CCSER1: variants seen among roughly 807,000 people sequenced by gnomAD.
CCSER1 encodes coiled-coil serine rich protein 1, also known as serine-rich coiled-coil domain-containing protein 1.
Under a neutral mutation model 82.0 loss-of-function variants are expected in CCSER1, and 41 were observed. The observed-to-expected ratio is 0.50, with a 90% CI of 0.39 to 0.65. CCSER1 has a LOEUF of 0.65. Ranked by LOEUF, CCSER1 falls within the 30% of genes least tolerant of loss-of-function variation. The pLI is 0.00. For synonymous variants in CCSER1, 414 were observed against 383.9 expected (o/e 1.08, Z -0.92); for missense variants, 1,119 against 1,064.2 (o/e 1.05, Z -0.72).
At chr4:91,475,675 T>C (rs986500403) in intron 10 of CCSER1, among the ~76,000 whole-genome samples, 4 of 151,906 alleles carry the variant, frequency 2.6e-5, no homozygotes, top group Admixed American at 1.3e-4. Context: ...ACAAATCTTC[T>C]AGTTATTTTG....
chr4:90,699,732 G>C (rs1272681693), intron 6 of CCSER1, among the ~76,000 whole-genome samples: 1 of 152,120 alleles, frequency 6.6e-6, no homozygotes, highest in Non-Finnish European at 1.5e-5. Context: ...CTGTATGTTT[G>C]TATCCGTTCA....
intron 5 of CCSER1, among the ~76,000 whole-genome samples, chr4:90,525,806 T>C (rs1184500069): frequency 6.6e-6 from 1 of 152,032 alleles, no homozygotes; most frequent in Non-Finnish European, 1.5e-5. Flanking sequence ...TCCCAGATAA[T>C]ATATTTTATT....
intron 8 of CCSER1, among the ~76,000 whole-genome samples, chr4:90,861,981 A>G (rs1765164218): frequency 6.8e-6 from 1 of 146,388 alleles, no homozygotes; most frequent in African/African-American, 2.5e-5. Context: ...GTGGGATTGG[A>G]GTGGTAGGAG....
At chr4:91,315,144 T>C (rs1288737215) in intron 10 of CCSER1, among the ~76,000 whole-genome samples, 1 of 75,832 alleles carries the variant, frequency 1.3e-5, no homozygotes, top group Admixed American at 1.8e-4. Flanking sequence ...TAGAACCGTG[T>C]GTGCAAGTGT....
At chr4:90,747,358 G>A (rs1747669134) in intron 7 of CCSER1, among the ~76,000 whole-genome samples, 1 of 152,132 alleles carries the variant, frequency 6.6e-6, no homozygotes, top group African/African-American at 2.4e-5. Flanking sequence ...ATATTTGATA[G>A]CTTACAAAAT....
At chr4:90,758,064 G>A (rs1002477545) in intron 7 of CCSER1, among the ~76,000 whole-genome samples, 3 of 151,296 alleles carry the variant, frequency 2.0e-5, no homozygotes, top group African/African-American at 4.9e-5. Context: ...TCAGCCTCCC[G>A]AGTAGCTGGG....
At chr4:90,515,441 A>G (rs1772137689) in intron 5 of CCSER1, among the ~76,000 whole-genome samples, 1 of 152,118 alleles carries the variant, frequency 6.6e-6, no homozygotes, top group Non-Finnish European at 1.5e-5. Flanking sequence ...TTTTATTTTT[A>G]TGTATTATCA....
At chr4:90,876,863 A>G (rs981321627) in intron 8 of CCSER1, among the ~76,000 whole-genome samples, 2 of 152,108 alleles carry the variant, frequency 1.3e-5, no homozygotes, top group Non-Finnish European at 2.9e-5. Context: ...AAACGTAATT[A>G]TTATGGGATT....
intron 10 of CCSER1, among the ~76,000 whole-genome samples, chr4:91,393,585 ATTAAAG>A (rs1257227382): frequency 6.6e-6 from 1 of 152,106 alleles, no homozygotes; most frequent in African/African-American, 2.4e-5. Flanking sequence ...CTTAAGATAT[ATTAAAG>A]TTAATTTGTG....
intron 5 of CCSER1, among the ~76,000 whole-genome samples, chr4:90,544,400 G>A (rs1175649558): frequency 1.3e-5 from 2 of 152,114 alleles, no homozygotes; most frequent in African/African-American, 4.8e-5. Flanking sequence ...TCAGCCAAAG[G>A]AAGAGATGCA....
chr4:90,299,677 G>A (rs1732717400), intron 1 of CCSER1, among the ~76,000 whole-genome samples: 1 of 151,936 alleles, frequency 6.6e-6, no homozygotes, highest in Non-Finnish European at 1.5e-5. Context: ...TTATTTAAGG[G>A]GAAACAGCAA....
At chr4:91,047,883 AT>A in intron 9 of CCSER1, among the ~76,000 whole-genome samples, 1 of 152,158 alleles carries the variant, frequency 6.6e-6, no homozygotes, top group South Asian at 2.1e-4. Context: ...GTAATGTATG[AT>A]TTTTTCTTTT....
intron 4 of CCSER1, among the ~76,000 whole-genome samples, chr4:90,440,813 A>T (rs1294208337): frequency 6.6e-6 from 1 of 152,202 alleles, no homozygotes; most frequent in African/African-American, 2.4e-5. Context: ...ATTCTGTCTG[A>T]GCTTCAGAAA....
At chr4:91,157,664 C>A (rs1416955045) in intron 10 of CCSER1, among the ~76,000 whole-genome samples, 1 of 151,974 alleles carries the variant, frequency 6.6e-6, no homozygotes, top group Non-Finnish European at 1.5e-5. Flanking sequence ...AGTACCTGTT[C>A]CTACTTGGCT....
chr4:91,531,108 G>A (rs1239318952), intron 10 of CCSER1, among the ~76,000 whole-genome samples: 6 of 152,138 alleles, frequency 3.9e-5, no homozygotes, highest in Admixed American at 1.3e-4. Flanking sequence ...TCTATTTAAT[G>A]TATATAGGTA....
At chr4:90,682,014 CT>C (rs953317944) in intron 6 of CCSER1, among the ~76,000 whole-genome samples, 37 of 148,870 alleles carry the variant, frequency 2.5e-4, no homozygotes, top group East Asian at 5.9e-4. Flanking sequence ...AAAAAAATAA[CT>C]TTTTTTTTTA....
intron 10 of CCSER1, among the ~76,000 whole-genome samples, chr4:91,574,915 CT>C (rs943081726): frequency 6.6e-6 from 1 of 151,622 alleles, no homozygotes; most frequent in Non-Finnish European, 1.5e-5. Flanking sequence ...TAAAAAGAAT[CT>C]TGAAAAAGTA....
At chr4:91,369,507 T>C (rs1749868754) in intron 10 of CCSER1, among the ~76,000 whole-genome samples, 1 of 152,172 alleles carries the variant, frequency 6.6e-6, no homozygotes, top group African/African-American at 2.4e-5. Context: ...TTCAAGCTCT[T>C]TACATCTCAC....
intron 9 of CCSER1, among the ~76,000 whole-genome samples, chr4:90,979,547 T>C (rs1467785910): frequency 2.0e-5 from 3 of 151,962 alleles, no homozygotes; most frequent in Middle Eastern, 3.4e-3. Flanking sequence ...TGATCTAATA[T>C]GAGCTAAGGA....
Sources: gnomAD v4.1 joint callset for allele counts (sites outside exome capture counted in the v4.1 genomes callset) on GRCh38, gnomAD v4.1.1 for gene constraint, MANE v1.5 for transcripts, NCBI Gene and HGNC (gene_info 2026-07-23, HGNC 2026-07-21) for gene names.